Variants in CCDC148 observed in about 807,000 individuals in gnomAD.
CCDC148 encodes coiled-coil domain containing 148, also known as coiled-coil domain-containing protein 148.
A neutral mutation model predicts 85.7 loss-of-function variants in CCDC148; 89 were observed. The observed-to-expected ratio is 1.04, with a 90% CI of 0.87 to 1.24. The LOEUF (loss-of-function observed/expected upper bound fraction) is 1.24. Among genes scored for constraint, CCDC148 ranks in the 50% most tolerant of loss-of-function variants. The pLI, the probability that CCDC148 is intolerant of heterozygous loss-of-function variation, is 0.00. For synonymous variants in CCDC148, 230 were observed against 213.9 expected, an observed-to-expected ratio of 1.08 and a Z score of -0.66; for missense variants, 692 against 671.7, an observed-to-expected ratio of 1.03 and a Z score of -0.33.
At chr2:158,213,505 G>A (rs986806029) in intron 11 of CCDC148, among the ~76,000 whole-genome samples, 3 of 152,116 alleles carry the variant, frequency 2.0e-5, no homozygotes, top group Admixed American at 2.0e-4. Flanking sequence ...AACTACAACA[G>A]AGCTGAACTT....
At chr2:158,404,193 C>T (rs1685903341) in intron 1 of CCDC148, among the ~76,000 whole-genome samples, 1 of 152,062 alleles carries the variant, frequency 6.6e-6, no homozygotes, top group Admixed American at 6.6e-5. Context: ...GAATTTAACA[C>T]CAAATCCAGG....
chr2:158,254,942 C>T (rs1209169119), intron 9 of CCDC148, among the ~76,000 whole-genome samples: 1 of 149,968 alleles, frequency 6.7e-6, no homozygotes, highest in Admixed American at 6.7e-5. Flanking sequence ...ATTTAATTTA[C>T]CCTTCCCTGT....
chr2:158,293,570 T>C (rs928673863), intron 9 of CCDC148, among the ~76,000 whole-genome samples: 3 of 152,208 alleles, frequency 2.0e-5, no homozygotes, highest in Admixed American at 6.5e-5. Flanking sequence ...AAATGTTTTT[T>C]TCCCCTAAAA....
rs182787313 is a variant in CCDC148, at chr2:158,328,665, T to C, written c.764+10061A>G. The stretch of plus-strand genomic sequence containing the variant: ...AGTGCTCCTATTTCTCCACATCCTC[T>C]CCAGCACCTGTTGTTTCCTCACTTT... On this transcript the variant is annotated intron_variant, in intron 7 of 13. Transcript: ENST00000283233. Among the ~76,000 whole-genome samples, 125 of 152,276 alleles carry C rather than the reference T, an allele frequency of 8.2e-4. No individual in the cohort carries two copies. The East Asian group carries it at 0.018, about 22-fold the overall frequency.
At chr2:158,403,210 G>A (rs938190475) in intron 1 of CCDC148, among the ~76,000 whole-genome samples, 1 of 151,488 alleles carries the variant, frequency 6.6e-6, no homozygotes, top group Admixed American at 6.6e-5. Flanking sequence ...CCCAAAGCCT[G>A]TATTTGCAAG....
intron 10 of CCDC148, among the ~76,000 whole-genome samples, chr2:158,237,513 G>T (rs1028731274): frequency 3.3e-5 from 5 of 152,124 alleles, no homozygotes; most frequent in African/African-American, 1.2e-4. Flanking sequence ...AGCGTATAAG[G>T]GCGGAAACAG....
chr2:158,300,252 C>T (rs1026235740), intron 9 of CCDC148, among the ~76,000 whole-genome samples: 3 of 152,224 alleles, frequency 2.0e-5, no homozygotes, highest in East Asian at 1.9e-4. Flanking sequence ...GAAGAAGGAA[C>T]AAAATGCCTA....
intron 1 of CCDC148, among the ~76,000 whole-genome samples, chr2:158,441,861 T>C (rs1043759220): frequency 7.2e-5 from 11 of 152,224 alleles, no homozygotes; most frequent in African/African-American, 2.7e-4. Flanking sequence ...CATTGAATTT[T>C]AACTTTTTAC....
chr2:158,356,090 T>A (rs1683616789), intron 2 of CCDC148, among the ~76,000 whole-genome samples: 3 of 132,100 alleles, frequency 2.3e-5, no homozygotes, highest in Admixed American at 2.2e-4. Context: ...CAAGATGGAT[T>A]AAAGACTTAA....
chr2:158,355,304 C>T (rs375887594), intron 2 of CCDC148, among the ~76,000 whole-genome samples: 49 of 151,860 alleles, frequency 3.2e-4, no homozygotes, highest in African/African-American at 6.0e-4. Context: ...TGTTTGCAGA[C>T]GACATGATTG....
chr2:158,255,084 A>G (rs953395119), intron 9 of CCDC148, among the ~76,000 whole-genome samples: 25 of 151,594 alleles, frequency 1.6e-4, no homozygotes, highest in Admixed American at 1.1e-3. Flanking sequence ...CCAAAAGCCA[A>G]TAGTTTGTAG....
intron 10 of CCDC148, among the ~76,000 whole-genome samples, chr2:158,238,396 G>A (rs543264379): frequency 6.6e-6 from 1 of 152,190 alleles, no homozygotes; most frequent in Non-Finnish European, 1.5e-5. Flanking sequence ...TGTCATATTG[G>A]AAACCTGTGG....
At chr2:158,454,177 C>T in intron 1 of CCDC148, among the ~76,000 whole-genome samples, 1 of 152,154 alleles carries the variant, frequency 6.6e-6, no homozygotes, top group East Asian at 1.9e-4. Context: ...AGGGCCAAAA[C>T]ATTGGCAACA....
intron 2 of CCDC148, among the ~76,000 whole-genome samples, chr2:158,355,774 C>G (rs1348744035): frequency 3.0e-5 from 4 of 132,318 alleles, no homozygotes; most frequent in Middle Eastern, 3.7e-3. Context: ...ATCGCCAAGT[C>G]AATCCTAAGC....
At chr2:158,359,125 A>T (rs1415376528) in intron 1 of CCDC148, among the ~76,000 whole-genome samples, 2 of 152,192 alleles carry the variant, frequency 1.3e-5, no homozygotes, top group Non-Finnish European at 2.9e-5. Context: ...AAATACATAC[A>T]ATGTCCTAGT....
rs1383458241 is a variant in CCDC148 at position 158,438,130 on chromosome 2, A to T, written c.25+18285T>A. ...ACAGAATTGGAAAAAACTACGTTAA[A>T]GTTCATGTGGAACCAAAAAAGAGCC... is the stretch of plus-strand genomic sequence containing the variant. On this transcript the variant is annotated intron_variant, in intron 1 of 13. Transcript: ENST00000283233. 2.0e-5 allele frequency among the ~76,000 whole-genome samples: 3 copies of T among 152,182 alleles called. No individual in the cohort carries two copies. In the East Asian group the frequency reaches 5.8e-4, roughly 29 times the overall value.
intron 2 of CCDC148, among the ~76,000 whole-genome samples, chr2:158,348,169 C>CA (rs1683087598): frequency 6.6e-6 from 1 of 151,948 alleles, no homozygotes. Flanking sequence ...GATATATGCA[C>CA]AAAGCTATTC....
At chr2:158,180,985 C>T (rs1229450273) in intron 11 of CCDC148, among the ~76,000 whole-genome samples, 5 of 152,158 alleles carry the variant, frequency 3.3e-5, no homozygotes, top group Non-Finnish European at 7.4e-5. Flanking sequence ...TCATGGAAAG[C>T]TCTATTTCTC....
intron 1 of CCDC148, among the ~76,000 whole-genome samples, chr2:158,435,858 C>A (rs891785694): frequency 5.3e-5 from 8 of 151,942 alleles, no homozygotes; most frequent in Admixed American, 5.2e-4. Flanking sequence ...TTTGAACCGA[C>A]AAAGATCAAA....
Sources: gnomAD v4.1 joint callset for allele counts (sites outside exome capture counted in the v4.1 genomes callset) on GRCh38, gnomAD v4.1.1 for gene constraint, MANE v1.5 for transcripts, NCBI Gene and HGNC (gene_info 2026-07-23, HGNC 2026-07-21) for gene names.